Variants in MEIOSIN observed in about 807,000 individuals in gnomAD.
MEIOSIN encodes the protein meiosis initiator.
MEIOSIN carries 18 observed loss-of-function variants against 23.4 expected under a neutral mutation model. The ratio of observed to expected loss-of-function variants is 0.77; its 90% CI spans 0.53 to 1.14. MEIOSIN has a LOEUF of 1.14. Ranked by LOEUF, MEIOSIN falls within the 50% of genes most tolerant of loss-of-function variation. MEIOSIN has a pLI of 0.00. For synonymous variants in MEIOSIN, 187 were observed against 100.6 expected, an observed-to-expected ratio of 1.86 and a Z score of -5.14; for missense variants, 428 against 242.9, an observed-to-expected ratio of 1.76 and a Z score of -5.07.
chr19:45,758,975 C>G lies in MEIOSIN; in HGVS notation c.1110C>G (p.Ser370=). ...GGCTCAGCCCTAGCCTTTTCAGCTCCCCAGGGAAACTGCTGCCAGACGAGA... is the reference window on the plus strand; with the variant it reads ...GGCTCAGCCCTAGCCTTTTCAGCTCGCCAGGGAAACTGCTGCCAGACGAGA... ...ILGLSPSLFS[S]PGKLLPDEIL... The change falls in exon 10 of 15, where the codon TCC becomes TCG. Residue 370 remains serine (S), a synonymous_variant. Coordinates refer to ENST00000457052, the MANE Select transcript of MEIOSIN (RefSeq NM_001310124.2). The G allele has an allele frequency of 1.4e-6, 1 of 703,116 alleles. No individual in the cohort carries two copies. Among genetic ancestry groups the G allele is most frequent in the South Asian group, 1.5e-5 (1 of 67,606 alleles). 43.6% of individuals were successfully genotyped at this position (703,116 alleles called of 1,614,324 possible).
At chr19:45,735,041 G>A (rs1261871978) in intron 1 of MEIOSIN, among the ~76,000 whole-genome samples, 1 of 151,566 alleles carries the variant, frequency 6.6e-6, no homozygotes, top group Non-Finnish European at 1.5e-5. Context: ...TTACAGTCGT[G>A]CACCACCACG....
At chr19:45,736,964 G>C (rs1471303886) in intron 2 of MEIOSIN, among the ~76,000 whole-genome samples, 1 of 142,338 alleles carries the variant, frequency 7.0e-6, no homozygotes, top group East Asian at 2.1e-4. Flanking sequence ...CGCCTCCCGG[G>C]TTCAAGCGAT....
At position 45,761,975 on chromosome 19, in the gene MEIOSIN, A is replaced by C. The variant is rs1391876572; in HGVS notation, c.1471A>C (p.Ser491Arg). ...QANPVGTPGS[S>R]EEDEDTTWTP... ...CAACCCTGTGGGCACGCCGGGCTCC[A>C]GCGAAGAGGACGAAGACACCACATG... Residue 491 changes from serine to arginine, a missense_variant, in exon 13 of 15, where the codon AGC (serine) becomes CGC (arginine). Ser to Arg is a moderately radical substitution (Grantham distance 110). Coordinates refer to ENST00000457052, the MANE Select transcript of MEIOSIN (RefSeq NM_001310124.2). 2 of 561,080 alleles carry C rather than the reference A, an allele frequency of 3.6e-6. No homozygotes were observed. The highest frequency in any genetic ancestry group is 6.4e-6 in the Non-Finnish European group (2 of 313,934). The allele number at this position is 561,080 out of a possible 1,614,324, so 34.8% of individuals were successfully genotyped here.
chr19:45,745,492 G>A (rs1968577060), intron 4 of MEIOSIN, among the ~76,000 whole-genome samples, 171 bp downstream of exon 4: 2 of 152,276 alleles, frequency 1.3e-5, no homozygotes, highest in Admixed American at 6.5e-5. Flanking sequence ...CCATAACTAG[G>A]TGCCTGGAGG....
intron 5 of MEIOSIN, among the ~76,000 whole-genome samples, chr19:45,751,559 G>C (rs2146189431): frequency 6.6e-6 from 1 of 151,632 alleles, no homozygotes; most frequent in Non-Finnish European, 1.5e-5. Context: ...TTTTGAGACG[G>C]AGTATCACTC....
At chr19:45,759,598 C>A in intron 11 of MEIOSIN, 108 bp downstream of exon 11, 1 of 660,388 alleles carries the variant, frequency 1.5e-6, no homozygotes, top group South Asian at 1.6e-5. Context: ...CAGCCACCAT[C>A]TACCCATCTG....
chr19:45,763,488 C>A (rs955950446), intron 14 of MEIOSIN, 61 bp downstream of exon 14: 14 of 398,378 alleles, frequency 3.5e-5, no homozygotes, highest in African/African-American at 1.4e-4. Flanking sequence ...ACCCCGGAAC[C>A]CTGCTCTGTC....
intron 5 of MEIOSIN, among the ~76,000 whole-genome samples, chr19:45,751,054 C>T (rs953110903): frequency 1.3e-5 from 2 of 151,976 alleles, no homozygotes; most frequent in Non-Finnish European, 2.9e-5. Context: ...GGGCGGATCG[C>T]TTGAGGTCAG....
At chr19:45,745,496 C>A (rs1386248736) in intron 4 of MEIOSIN, among the ~76,000 whole-genome samples, 175 bp downstream of exon 4, 1 of 152,106 alleles carries the variant, frequency 6.6e-6, no homozygotes, top group Admixed American at 6.6e-5. Context: ...AACTAGGTGC[C>A]TGGAGGATCC....
intron 2 of MEIOSIN, among the ~76,000 whole-genome samples, chr19:45,737,050 G>A (rs930061927): frequency 6.6e-6 from 1 of 151,662 alleles, no homozygotes; most frequent in Non-Finnish European, 1.5e-5. Flanking sequence ...TGTATTTTTA[G>A]TAGACATAGG....
intron 2 of MEIOSIN, among the ~76,000 whole-genome samples, 199 bp downstream of exon 2, chr19:45,735,646 G>A (rs1968396947): frequency 1.3e-5 from 2 of 152,136 alleles, no homozygotes; most frequent in South Asian, 4.1e-4. Flanking sequence ...AGAGTACTCT[G>A]AGGTGATCGG....
chr19:45,756,021 T>C lies in MEIOSIN; in HGVS notation c.854T>C (p.Leu285Pro), dbSNP rs1475629093. The change falls in exon 8 of 15, where the codon CTG (leucine) becomes CCG (proline). Residue 285 changes from leucine to proline, a missense_variant. Leu to Pro is a moderately conservative substitution (Grantham distance 98). Transcript: ENST00000457052. ...VQDDAPFPAL[L>P]AQEDVARIHF... is the part of the protein sequence containing the mutation. ...GATGACGCACCTTTCCCTGCGCTCC[T>C]GGCTCAGGAAGATGTGGCGAGGATC... 6 of 702,924 alleles carry C rather than the reference T, an allele frequency of 8.5e-6. No homozygotes were observed. Among genetic ancestry groups the C allele is most frequent in the Non-Finnish European group, 1.6e-5 (6 of 384,990 alleles). 43.5% of individuals were successfully genotyped at this position (702,924 alleles called of 1,614,324 possible). A position where few individuals can be genotyped will look rare whatever the true frequency, so the allele number is the denominator to read the frequency against.
chr19:45,755,873 G>A, intron 7 of MEIOSIN, 97 bp from the exon 8 acceptor site: 1 of 641,140 alleles, frequency 1.6e-6, no homozygotes, highest in Non-Finnish European at 2.8e-6. Flanking sequence ...GAGTGAGAGG[G>A]TGTGTGGCAG....
Position 45,761,684 on chromosome 19 carries a change from A to C in MEIOSIN, c.1251A>C (p.Thr417=). The change falls in exon 12 of 15, where the codon ACA becomes ACC. Residue 417 remains threonine (T), a synonymous_variant. Coordinates refer to ENST00000457052, the MANE Select transcript of MEIOSIN (RefSeq NM_001310124.2). ...TCTCCCTCATCATGCCCCAGGACAC[A>C]GCCTCCAAGGCCCCCAAAGACCCTC... ...YTQEAPQEKD[T]ASKAPKDPPE... is the part of the protein sequence containing the mutation. 1.4e-6 allele frequency: 1 copy of C among 702,642 alleles called. No individual in the cohort carries two copies. Among genetic ancestry groups the C allele is most frequent in the Non-Finnish European group, 2.6e-6 (1 of 384,820 alleles). 43.5% of individuals were successfully genotyped at this position (702,642 alleles called of 1,614,324 possible).
chr19:45,746,923 A>G (rs1461079016), intron 4 of MEIOSIN, among the ~76,000 whole-genome samples: 1 of 152,148 alleles, frequency 6.6e-6, no homozygotes, highest in Admixed American at 6.6e-5. Context: ...GGACTAGGAC[A>G]TGGACATCTT....
chr19:45,759,600 A>AC (rs1190394495), intron 11 of MEIOSIN, 110 bp downstream of exon 11: 2 of 654,470 alleles, frequency 3.1e-6, no homozygotes, highest in African/African-American at 3.6e-5. Flanking sequence ...GCCACCATCT[A>AC]CCCATCTGTC....
At chr19:45,756,372 T>C (rs1320075222) in intron 8 of MEIOSIN, among the ~76,000 whole-genome samples, 2 of 152,234 alleles carry the variant, frequency 1.3e-5, no homozygotes, top group Admixed American at 1.3e-4. Flanking sequence ...ACGGAGTTTG[T>C]GGCTTAAAGC....
rs906355959 is a variant in MEIOSIN, at chr19:45,733,922, G to T, written c.-1+256G>T. On this transcript the variant is annotated intron_variant, in intron 1 of 14. Coordinates refer to ENST00000457052, the MANE Select transcript of MEIOSIN (RefSeq NM_001310124.2). The surrounding 1 kb of genome is among the most constrained non-coding windows in gnomAD (Gnocchi z 5.7). ...CTCTCGAGTTCTGATCTGGGATCTC[G>T]GGATTTGTGTCTAGGGGTGACTAGT... Among the ~76,000 whole-genome samples the T allele has an allele frequency of 2.6e-5, 4 of 152,194 alleles. No homozygotes were observed. Among genetic ancestry groups the T allele is most frequent in the Non-Finnish European group, 4.4e-5 (3 of 68,030 alleles).
intron 4 of MEIOSIN, among the ~76,000 whole-genome samples, chr19:45,749,084 A>C (rs1430883576): frequency 1.3e-5 from 2 of 149,996 alleles, no homozygotes; most frequent in African/African-American, 4.9e-5. Context: ...AAAAAAAAAG[A>C]CTGAGGCCAG....
Sources: gnomAD v4.1 joint callset for allele counts (sites outside exome capture counted in the v4.1 genomes callset) on GRCh38, gnomAD v4.1.1 for gene constraint, Gnocchi (gnomAD v3.1) non-coding constraint, MANE v1.5 for transcripts, NCBI Gene and HGNC (gene_info 2026-07-23, HGNC 2026-07-21) for gene names.